Variants in NBEA observed in about 807,000 individuals in gnomAD.
The protein encoded by NBEA is lysosomal-trafficking regulator 2.
NBEA carries 44 observed loss-of-function variants against 343.4 expected under a neutral mutation model. The ratio of observed to expected loss-of-function variants is 0.13; its 90% confidence interval spans 0.10 to 0.16. NBEA has a LOEUF of 0.16. Ranked by LOEUF, NBEA falls within the 10% of genes least tolerant of loss-of-function variation. The pLI, the probability that NBEA is intolerant of heterozygous loss-of-function variation, is 1.00. For missense variants in NBEA, 2,555 were observed against 3,631.3 expected (o/e 0.70, Z 7.62); for synonymous variants, 1,175 against 1,238.7 (o/e 0.95, Z 1.08).
At chr13:35,058,554 C>G (rs956759662) in intron 7 of NBEA, among the ~76,000 whole-genome samples, 163 bp from the exon 8 acceptor site, 2 of 151,934 alleles carry the variant, frequency 1.3e-5, no homozygotes, top group Non-Finnish European at 2.9e-5. Context: ...TCCCAAAAAA[C>G]TTGACTGGCA....
intron 34 of NBEA, among the ~76,000 whole-genome samples, chr13:35,277,006 A>T (rs2034631650): frequency 6.6e-6 from 1 of 152,212 alleles, no homozygotes; most frequent in Non-Finnish European, 1.5e-5. Context: ...AATGGAAAGC[A>T]TGCATGCAGA....
chr13:35,131,221 A>G (rs1275509098), intron 17 of NBEA, among the ~76,000 whole-genome samples: 1 of 152,168 alleles, frequency 6.6e-6, no homozygotes, highest in Admixed American at 6.5e-5. Context: ...TAAAGAAGGA[A>G]TCGGCCACTA....
chr13:35,070,976 A>AT (rs2045024133), intron 10 of NBEA, 124 bp downstream of exon 10: 4 of 1,098,736 alleles, frequency 3.6e-6, no homozygotes, highest in East Asian at 2.9e-5. Flanking sequence ...GTAATAAAAA[A>AT]TTTTTTAGAA....
intron 48 of NBEA, among the ~76,000 whole-genome samples, chr13:35,627,361 G>A (rs1483452793): frequency 6.6e-6 from 1 of 152,152 alleles, no homozygotes; most frequent in Non-Finnish European, 1.5e-5. Context: ...CTTATTTCAC[G>A]GACCTGAGCA....
At chr13:35,269,570 G>A (rs1301018468) in intron 34 of NBEA, among the ~76,000 whole-genome samples, 3 of 152,122 alleles carry the variant, frequency 2.0e-5, no homozygotes, top group African/African-American at 7.2e-5. Context: ...TCTTTGATTT[G>A]GAGACAGACC....
intron 44 of NBEA, among the ~76,000 whole-genome samples, chr13:35,562,508 A>C (rs1038459066): frequency 5.3e-5 from 8 of 152,028 alleles, no homozygotes; most frequent in Non-Finnish European, 8.8e-5. Flanking sequence ...GTTGTTTTTC[A>C]TATGATCAGC....
At chr13:35,247,314 A>G (rs1046069186) in intron 34 of NBEA, among the ~76,000 whole-genome samples, 4 of 152,014 alleles carry the variant, frequency 2.6e-5, no homozygotes, top group Non-Finnish European at 4.4e-5. Flanking sequence ...CTTCACATTC[A>G]TTTGGAATTG....
intron 40 of NBEA, among the ~76,000 whole-genome samples, chr13:35,456,144 G>A (rs1458087682): frequency 5.3e-5 from 8 of 151,982 alleles, no homozygotes; most frequent in Non-Finnish European, 1.2e-4. Context: ...TTTACTTAAT[G>A]TTGGCCTTTT....
rs12874374 is a variant in NBEA, at chr13:35,241,043, A to G, written c.5776+8424A>G. 3.0e-3 allele frequency among the ~76,000 whole-genome samples: 458 copies of G among 151,964 alleles called. 1 individual carries two copies. Among genetic ancestry groups the G allele is most frequent in the Non-Finnish European group, 5.0e-3 (342 of 67,786 alleles). ...TCATGGTAGGAAAACTCATCACAAAAAAGTTATTTCAGTCCATGTTAATAT... is the reference window on the plus strand; with the variant it reads ...TCATGGTAGGAAAACTCATCACAAAGAAGTTATTTCAGTCCATGTTAATAT... On this transcript the variant is annotated intron_variant, in intron 34 of 58. Coordinates refer to ENST00000379939, the MANE Select transcript of NBEA (RefSeq NM_001385012.1).
In NBEA at chr13:35,672,631, A is replaced by G. The variant is rs1216823357; in HGVS notation, c.*1640A>G. On this transcript the variant is annotated 3_prime_UTR_variant, in exon 59 of 59. Coordinates refer to ENST00000379939, the MANE Select transcript of NBEA (RefSeq NM_001385012.1). ...ATGGTGAAATATTTTGGATATATAA[A>G]TTCCTTAAGCTATTGTAACCATGTT... is the stretch of plus-strand genomic sequence containing the variant. 2.6e-5 allele frequency: 4 copies of G among 152,672 alleles called. No individual in the cohort carries two copies. The highest frequency in any genetic ancestry group is 5.9e-5 in the Non-Finnish European group (4 of 68,048). The allele number at this position is 152,672 out of a possible 1,614,324, so 9.5% of individuals were successfully genotyped here.
chr13:35,097,119 G>A (rs2065376121), intron 10 of NBEA, among the ~76,000 whole-genome samples: 1 of 151,730 alleles, frequency 6.6e-6, no homozygotes, highest in African/African-American at 2.4e-5. Context: ...TAATTTTGCT[G>A]TTGGTTCTTG....
chr13:35,554,943 T>C (rs780425166), intron 43 of NBEA, 44 bp from the exon 44 acceptor site: 95 of 951,778 alleles, frequency 1.0e-4, no homozygotes, highest in Non-Finnish European at 6.8e-5. Flanking sequence ...TTTAAAGTTA[T>C]GAATTAAAGA....
At chr13:35,267,041 A>G (rs765305642) in intron 34 of NBEA, among the ~76,000 whole-genome samples, 16 of 152,104 alleles carry the variant, frequency 1.1e-4, no homozygotes, top group Admixed American at 3.9e-4. Flanking sequence ...TATATTTACT[A>G]TCCATTAAGT....
At chr13:35,156,584 AT>A (rs1283916930) in intron 20 of NBEA, among the ~76,000 whole-genome samples, 1 of 152,066 alleles carries the variant, frequency 6.6e-6, no homozygotes, top group East Asian at 1.9e-4. Context: ...AATGTTGTGC[AT>A]TTTTAAGCTA....
intron 41 of NBEA, among the ~76,000 whole-genome samples, chr13:35,514,123 AAAAG>A (rs1374680746): frequency 1.3e-5 from 2 of 152,130 alleles, no homozygotes; most frequent in Non-Finnish European, 2.9e-5. Context: ...AGAAAAAAAA[AAAAG>A]AAACTGACAT....
intron 1 of NBEA, among the ~76,000 whole-genome samples, chr13:35,019,602 G>A (rs369762838): frequency 2.4e-4 from 36 of 152,126 alleles, no homozygotes; most frequent in Middle Eastern, 3.2e-3. Flanking sequence ...TCTCTCACGA[G>A]TGATTGATAG....
At chr13:34,963,620 G>A (rs1225030304) in intron 1 of NBEA, among the ~76,000 whole-genome samples, 1 of 151,896 alleles carries the variant, frequency 6.6e-6, no homozygotes, top group East Asian at 1.9e-4. Flanking sequence ...TTAAATTCCT[G>A]TAAAAATGAC....
chr13:35,567,848 G>A (rs2080208379), intron 45 of NBEA, among the ~76,000 whole-genome samples: 1 of 152,182 alleles, frequency 6.6e-6, no homozygotes, highest in Non-Finnish European at 1.5e-5. Context: ...GTGATTTAGG[G>A]AAACAACATT....
At chr13:35,227,583 T>C (rs1222923997) in intron 33 of NBEA, among the ~76,000 whole-genome samples, 2 of 152,064 alleles carry the variant, frequency 1.3e-5, no homozygotes, top group Non-Finnish European at 2.9e-5. Flanking sequence ...CTTAAGGGTA[T>C]GTAATTATTT....
Sources: allele counts gnomAD v4.1 joint callset (sites outside exome capture counted in the v4.1 genomes callset), GRCh38; gene constraint gnomAD v4.1.1; transcripts MANE v1.5; gene names NCBI Gene and HGNC (gene_info 2026-07-23, HGNC 2026-07-21).